KIAA1217: variants seen among roughly 807,000 people sequenced by gnomAD.
The protein encoded by KIAA1217 is sickle tail protein homolog.
KIAA1217 carries 88 observed loss-of-function variants against 163.9 expected under a neutral mutation model. The observed-to-expected ratio is 0.54, with a 90% confidence interval of 0.45 to 0.64. KIAA1217 has a LOEUF of 0.64. Among genes scored for constraint, KIAA1217 ranks in the 30% least tolerant of loss-of-function variants. The probability of loss-of-function intolerance (pLI) is 0.00; values close to 1 mark genes in which losing one functional copy is unlikely to be tolerated. For missense variants in KIAA1217, 2,372 were observed against 2,475.0 expected (o/e 0.96, Z 0.88); for synonymous variants, 903 against 923.1 (o/e 0.98, Z 0.39).
intron 5 of KIAA1217, among the ~76,000 whole-genome samples, chr10:24,451,819 A>G (rs2061396176): frequency 1.3e-5 from 2 of 152,146 alleles, no homozygotes; most frequent in Non-Finnish European, 2.9e-5. Context: ...GACTGGGGAC[A>G]TATGTCCTTT....
Position 24,545,243 on chromosome 10 carries a change from G to A in KIAA1217, c.5334+140G>A, listed in dbSNP as rs756964678. 425 of 1,446,368 alleles carry A rather than the reference G, an allele frequency of 2.9e-4. 1 individual carries two copies. Among genetic ancestry groups the A allele is most frequent in the Non-Finnish European group, 3.7e-4 (403 of 1,095,122 alleles). 89.6% of individuals were successfully genotyped at this position (1,446,368 alleles called of 1,614,324 possible). The stretch of plus-strand genomic sequence containing the variant: ...TCCTGGATCTGGGGGCATGAAGAAA[G>A]TCTAAATAAACCTTTGTTACACTTT... On this transcript the variant is annotated intron_variant, in intron 20 of 20. Transcript: ENST00000376454.
chr10:24,438,954 C>G (rs996017152), intron 5 of KIAA1217, among the ~76,000 whole-genome samples: 2 of 152,068 alleles, frequency 1.3e-5, no homozygotes, highest in African/African-American at 2.4e-5. Context: ...CAGGAGCTAC[C>G]CTGGAAGAAT....
At chr10:23,709,758 T>C (rs1455836138) in intron 1 of KIAA1217, among the ~76,000 whole-genome samples, 3 of 152,162 alleles carry the variant, frequency 2.0e-5, no homozygotes, top group East Asian at 1.9e-4. Context: ...TAAACTGTTA[T>C]CATTTTTTCT....
chr10:24,193,795 G>T (rs1027160254), intron 2 of KIAA1217, among the ~76,000 whole-genome samples: 1 of 126,268 alleles, frequency 7.9e-6, no homozygotes, highest in African/African-American at 2.9e-5. Flanking sequence ...CATCTGCAGC[G>T]TTTTCTACAC....
At chr10:24,355,017 C>T (rs564614317) in intron 2 of KIAA1217, among the ~76,000 whole-genome samples, 108 of 152,322 alleles carry the variant, frequency 7.1e-4, no homozygotes, top group African/African-American at 2.4e-3. Context: ...TCAGTTTTCA[C>T]AGAATAATTG....
chr10:23,740,357 C>A (rs76392138), intron 1 of KIAA1217, among the ~76,000 whole-genome samples: 2 of 151,938 alleles, frequency 1.3e-5, no homozygotes, highest in African/African-American at 4.8e-5. Flanking sequence ...CATGTAAGCA[C>A]GTATTAGATT....
chr10:24,443,675 A>C (rs1453400562), intron 5 of KIAA1217, among the ~76,000 whole-genome samples: 2 of 152,176 alleles, frequency 1.3e-5, no homozygotes, highest in Non-Finnish European at 2.9e-5. Flanking sequence ...GCAACTGTAA[A>C]AGACATCTTT....
At chr10:24,177,648 T>C (rs559175061) in intron 2 of KIAA1217, among the ~76,000 whole-genome samples, 10 of 152,032 alleles carry the variant, frequency 6.6e-5, no homozygotes, top group African/African-American at 2.2e-4. Context: ...GATGACAGTT[T>C]AAAAATCTCA....
chr10:23,799,042 C>G (rs564028668), intron 1 of KIAA1217, among the ~76,000 whole-genome samples: 1 of 152,164 alleles, frequency 6.6e-6, no homozygotes, highest in African/African-American at 2.4e-5. Flanking sequence ...TCTTTCCCAG[C>G]TTCTGGTGGT....
At chr10:23,817,765 G>C (rs1307323503) in intron 1 of KIAA1217, among the ~76,000 whole-genome samples, 1 of 151,530 alleles carries the variant, frequency 6.6e-6, no homozygotes, top group Non-Finnish European at 1.5e-5. Flanking sequence ...TGACAGAAGA[G>C]TTTTTGGATG....
chr10:24,517,126 G>A (rs1049557932), intron 10 of KIAA1217, among the ~76,000 whole-genome samples: 14 of 150,452 alleles, frequency 9.3e-5, no homozygotes, highest in East Asian at 1.9e-4. Context: ...AAGGCTGCAC[G>A]ATCACACCAC....
intron 2 of KIAA1217, among the ~76,000 whole-genome samples, chr10:24,111,571 A>G (rs2062846660): frequency 6.6e-6 from 1 of 152,200 alleles, no homozygotes; most frequent in Non-Finnish European, 1.5e-5. Context: ...TGTGAAATAT[A>G]AAAAGTCCTC....
At chr10:23,783,390 C>A (rs567845720) in intron 1 of KIAA1217, among the ~76,000 whole-genome samples, 4 of 152,246 alleles carry the variant, frequency 2.6e-5, no homozygotes, top group African/African-American at 9.6e-5. Context: ...TTTAAACCAA[C>A]CTTGCATCCT....
chr10:24,395,669 T>C (rs750547004), intron 3 of KIAA1217, among the ~76,000 whole-genome samples: 4 of 152,164 alleles, frequency 2.6e-5, no homozygotes, highest in Non-Finnish European at 5.9e-5. Flanking sequence ...AGGAACCACA[T>C]AATGTAGGAG....
intron 5 of KIAA1217, among the ~76,000 whole-genome samples, chr10:24,464,929 G>C (rs2062786807): frequency 6.6e-6 from 1 of 152,086 alleles, no homozygotes; most frequent in African/African-American, 2.4e-5. Context: ...AAGCAACCCT[G>C]CCCATAATAA....
At chr10:24,336,399 A>C (rs1470755550) in intron 2 of KIAA1217, among the ~76,000 whole-genome samples, 2 of 152,248 alleles carry the variant, frequency 1.3e-5, no homozygotes, top group Non-Finnish European at 2.9e-5. Context: ...AGTGTGCTTA[A>C]CAATTACACT....
chr10:23,793,294 C>T (rs1588832782), intron 1 of KIAA1217, among the ~76,000 whole-genome samples: 1 of 152,200 alleles, frequency 6.6e-6, no homozygotes, highest in Non-Finnish European at 1.5e-5. Flanking sequence ...CATGGCACAG[C>T]AGCCCACAAG....
chr10:24,259,200 T>A (rs2075478747), intron 2 of KIAA1217, among the ~76,000 whole-genome samples: 1 of 151,796 alleles, frequency 6.6e-6, no homozygotes. Context: ...TCTACTCAAG[T>A]AGGAAAGGGG....
intron 17 of KIAA1217, 101 bp downstream of exon 17, chr10:24,536,994 T>A: frequency 7.3e-7 from 1 of 1,367,200 alleles, no homozygotes; most frequent in Non-Finnish European, 1.0e-6. Context: ...CCCTCTGTCT[T>A]TTTTCTCTCT....
Sources: allele counts gnomAD v4.1 joint callset (sites outside exome capture counted in the v4.1 genomes callset), GRCh38; gene constraint gnomAD v4.1.1; transcripts MANE v1.5; gene names NCBI Gene and HGNC (gene_info 2026-07-23, HGNC 2026-07-21).